ADAMTS17: variants seen among roughly 807,000 people sequenced by gnomAD.
ADAMTS17 encodes A disintegrin and metalloproteinase with thrombospondin motifs 17.
A neutral mutation model predicts 141.5 loss-of-function variants in ADAMTS17; 113 were observed. That is an observed-to-expected ratio of 0.80 (90% CI 0.69 to 0.93). The LOEUF (loss-of-function observed/expected upper bound fraction) is 0.93, where lower values mean the gene tolerates loss of function less well. Among genes scored for constraint, ADAMTS17 ranks in the 40% least tolerant of loss-of-function variants. ADAMTS17 has a pLI of 0.00. For synonymous variants in ADAMTS17, 768 were observed against 630.6 expected (o/e 1.22, Z -3.27); for missense variants, 1,659 against 1,517.9 (o/e 1.09, Z -1.54).
At chr15:100,115,203 G>A (rs758677932) in intron 13 of ADAMTS17, among the ~76,000 whole-genome samples, 6 of 152,192 alleles carry the variant, frequency 3.9e-5, no homozygotes, top group East Asian at 1.9e-4. Context: ...AGGGGTCTGC[G>A]TGTGCCTGAC....
chr15:100,007,218 AGGGAGCCT>A (rs1276657234), intron 18 of ADAMTS17, among the ~76,000 whole-genome samples: 3 of 152,182 alleles, frequency 2.0e-5, no homozygotes, highest in African/African-American at 4.8e-5. Context: ...ATTCAGACGG[AGGGAGCCT>A]GCCCTCACAA....
rs559308238 is a variant in ADAMTS17 at position 99,973,949 on chromosome 15, C to T, written c.*453G>A. 1 of 263,954 alleles carries T rather than the reference C, an allele frequency of 3.8e-6. No individual in the cohort carries two copies. The highest frequency in any genetic ancestry group is 4.1e-5 in the South Asian group (1 of 24,100). 16.4% of individuals were successfully genotyped at this position (263,954 alleles called of 1,614,324 possible). ...CCCAGAGAAGCCACGGGCAGAGGCT[C>T]ACCAACACCTGCCCCTCCCTCCATG... On this transcript the variant is annotated 3_prime_UTR_variant, in exon 22 of 22. Transcript: ENST00000268070.
At position 100,253,234 on chromosome 15, in the gene ADAMTS17, T is replaced by C. The variant is rs1444698221; in HGVS notation, c.1075+902A>G. ...AAACACCCTTGGCATTGTGCCTGTA[T>C]TAACCAAACACTGTGTGCAAAGAAT... is the stretch of plus-strand genomic sequence containing the variant. On this transcript the variant is annotated intron_variant, in intron 7 of 21. Coordinates refer to ENST00000268070, the MANE Select transcript of ADAMTS17 (RefSeq NM_139057.4). 3.3e-5 allele frequency among the ~76,000 whole-genome samples: 5 copies of C among 150,218 alleles called. No homozygotes were observed. In the South Asian group the frequency reaches 8.6e-4, roughly 26 times the overall value.
At chr15:100,043,709 G>A (rs991823751) in intron 18 of ADAMTS17, among the ~76,000 whole-genome samples, 18 of 152,232 alleles carry the variant, frequency 1.2e-4, no homozygotes, top group African/African-American at 4.1e-4. Context: ...TGTGGCCTGC[G>A]AAGGCAAAAA....
At chr15:100,240,770 C>T (rs767209550) in intron 7 of ADAMTS17, among the ~76,000 whole-genome samples, 1 of 152,168 alleles carries the variant, frequency 6.6e-6, no homozygotes, top group Non-Finnish European at 1.5e-5. Flanking sequence ...CTCTGTGTTC[C>T]TCATTGCTGA....
chr15:100,145,715 C>T (rs749031999), intron 10 of ADAMTS17, among the ~76,000 whole-genome samples: 18 of 152,138 alleles, frequency 1.2e-4, no homozygotes, highest in Non-Finnish European at 2.2e-4. Flanking sequence ...TATGATCCAT[C>T]CTGGCATGAT....
chr15:100,254,735 A>C (rs999890197), intron 6 of ADAMTS17, among the ~76,000 whole-genome samples: 1 of 151,940 alleles, frequency 6.6e-6, no homozygotes, highest in Non-Finnish European at 1.5e-5. Flanking sequence ...TCAGAAAACT[A>C]ATGCAGAAAC....
At position 100,116,833 on chromosome 15, in the gene ADAMTS17, C is replaced by T; in HGVS notation, c.1888+14G>A. ...CAGGAGGCTGCCATGCAAGGACATG[C>T]CATATGCCTTTACCGTCAACCACCA... On this transcript the variant is annotated intron_variant, in intron 13 of 21. Coordinates refer to ENST00000268070, the MANE Select transcript of ADAMTS17 (RefSeq NM_139057.4). The T allele has an allele frequency of 3.7e-6, 6 of 1,614,050 alleles. No homozygotes were observed. The highest frequency in any genetic ancestry group is 5.1e-6 in the Non-Finnish European group (6 of 1,180,020).
chr15:100,158,782 C>T (rs1195427118), intron 8 of ADAMTS17, among the ~76,000 whole-genome samples: 1 of 152,102 alleles, frequency 6.6e-6, no homozygotes, highest in Non-Finnish European at 1.5e-5. Flanking sequence ...AGCAAAAAAA[C>T]TAACAACCCA....
intron 3 of ADAMTS17, among the ~76,000 whole-genome samples, chr15:100,283,606 C>A (rs1013849554): frequency 6.6e-6 from 1 of 152,206 alleles, no homozygotes. Context: ...AGATGCTCCC[C>A]ACGTTGGTTA....
chr15:99,973,967 C>T lies in ADAMTS17; in HGVS notation c.*435G>A. The T allele has an allele frequency of 3.6e-6, 1 of 274,094 alleles. No individual in the cohort carries two copies. Among genetic ancestry groups the T allele is most frequent in the Non-Finnish European group, 7.1e-6 (1 of 140,878 alleles). 17.0% of individuals were successfully genotyped at this position (274,094 alleles called of 1,614,324 possible). A position where few individuals can be genotyped will look rare whatever the true frequency, so the allele number is the denominator to read the frequency against. The stretch of plus-strand genomic sequence containing the variant: ...AGAGGCTCACCAACACCTGCCCCTC[C>T]CTCCATGGTGTCGCCGGCTTTCAGA... On this transcript the variant is annotated 3_prime_UTR_variant, in exon 22 of 22. Transcript: ENST00000268070.
intron 3 of ADAMTS17, among the ~76,000 whole-genome samples, chr15:100,292,935 C>G (rs2044693434): frequency 6.6e-6 from 1 of 152,164 alleles, no homozygotes; most frequent in South Asian, 2.1e-4. Flanking sequence ...ATAAAAACAC[C>G]AAGGAAGACC....
chr15:100,015,157 T>C (rs1035306833), intron 18 of ADAMTS17, among the ~76,000 whole-genome samples: 1 of 152,252 alleles, frequency 6.6e-6, no homozygotes, highest in African/African-American at 2.4e-5. Context: ...TTAAAGTTTT[T>C]TTCGTCTGAT....
At chr15:100,102,396 AGGG>A (rs2036160998) in intron 14 of ADAMTS17, among the ~76,000 whole-genome samples, 1 of 106,944 alleles carries the variant, frequency 9.4e-6, no homozygotes, top group Non-Finnish European at 1.8e-5. Context: ...GGCCGACCGA[AGGG>A]GATCTACATT....
chr15:100,106,245 G>A (rs2141077817), intron 14 of ADAMTS17, among the ~76,000 whole-genome samples: 1 of 152,262 alleles, frequency 6.6e-6, no homozygotes, highest in Non-Finnish European at 1.5e-5. Context: ...ACCCATCTAT[G>A]CCAGCCCCTG....
At chr15:100,251,878 A>C (rs2043166615) in intron 7 of ADAMTS17, among the ~76,000 whole-genome samples, 1 of 152,340 alleles carries the variant, frequency 6.6e-6, no homozygotes, top group South Asian at 2.1e-4. Context: ...ACACAGGAGA[A>C]GGCAGCCAGC....
intron 1 of ADAMTS17, among the ~76,000 whole-genome samples, 181 bp downstream of exon 1, chr15:100,341,640 C>G (rs1196090976): frequency 6.6e-6 from 1 of 150,698 alleles, no homozygotes; most frequent in Non-Finnish European, 1.5e-5. Flanking sequence ...GGAGACCCGG[C>G]GGCGGCGCGC....
At chr15:100,004,343 G>A (rs2060992269) in intron 18 of ADAMTS17, among the ~76,000 whole-genome samples, 2 of 152,062 alleles carry the variant, frequency 1.3e-5, no homozygotes, top group African/African-American at 4.8e-5. Context: ...TTTTTTGGTG[G>A]CATAAAGAAA....
At chr15:100,323,080 G>A (rs1290511885) in intron 3 of ADAMTS17, among the ~76,000 whole-genome samples, 11 of 45,604 alleles carry the variant, frequency 2.4e-4, no homozygotes, top group Non-Finnish European at 3.1e-4. Flanking sequence ...GCGAGACTCC[G>A]TCTCAAAAAA....
Sources: gnomAD v4.1 joint callset for allele counts (sites outside exome capture counted in the v4.1 genomes callset) on GRCh38, gnomAD v4.1.1 for gene constraint, MANE v1.5 for transcripts, NCBI Gene and HGNC (gene_info 2026-07-23, HGNC 2026-07-21) for gene names.